CFAP52: variants seen among roughly 807,000 people sequenced by gnomAD.
CFAP52 encodes cilia and flagella associated protein 52, also known as cilia- and flagella-associated protein 52.
Under a neutral mutation model 70.5 loss-of-function variants are expected in CFAP52, and 57 were observed. The ratio of observed to expected loss-of-function variants is 0.81; its 90% CI spans 0.65 to 1.01. The LOEUF (loss-of-function observed/expected upper bound fraction) is 1.01, where lower values mean the gene tolerates loss of function less well. CFAP52 is among the 50% of genes least tolerant of loss of function. The pLI, the probability that CFAP52 is intolerant of heterozygous loss-of-function variation, is 0.00. For synonymous variants in CFAP52, 267 were observed against 292.5 expected (o/e 0.91, Z 0.89); for missense variants, 785 against 788.5 (o/e 1.00, Z 0.05).
At chr17:9,621,998 G>T (rs1910056833) in intron 8 of CFAP52, among the ~76,000 whole-genome samples, 1 of 151,756 alleles carries the variant, frequency 6.6e-6, no homozygotes, top group Non-Finnish European at 1.5e-5. Context: ...AAAACTTAGA[G>T]TATAATAAAA....
At chr17:9,616,596 CCTGT>C (rs1909937958) in intron 8 of CFAP52, among the ~76,000 whole-genome samples, 1 of 149,464 alleles carries the variant, frequency 6.7e-6, no homozygotes, top group Admixed American at 6.6e-5. Context: ...CTTACGTGTC[CCTGT>C]CTGACAGCTT....
intron 6 of CFAP52, among the ~76,000 whole-genome samples, chr17:9,605,465 A>G (rs116587543): frequency 0.016 from 2,384 of 152,174 alleles, 59 homozygotes; most frequent in African/African-American, 0.054. Context: ...TAATCCCAGC[A>G]CTTTGTGGGG....
chr17:9,602,936 A>G (rs1232008283), intron 6 of CFAP52, among the ~76,000 whole-genome samples: 1 of 152,198 alleles, frequency 6.6e-6, no homozygotes, highest in African/African-American at 2.4e-5. Context: ...GTGTGTTCAT[A>G]TAGGATAGGA....
At chr17:9,638,931 A>G (rs1002773894) in intron 12 of CFAP52, 6 of 544,330 alleles carry the variant, frequency 1.1e-5, no homozygotes, top group African/African-American at 1.9e-5. Context: ...TAGAGTAAGG[A>G]TTAAAGTCAT....
rs747062992 is a variant in CFAP52 at position 9,643,187 on chromosome 17, T to C, written c.1852T>C (p.Tyr618His). The change falls in exon 14 of 14, where the codon TAT (tyrosine) becomes CAT (histidine). Residue 618 changes from tyrosine to histidine, a missense_variant. Tyr to His is a moderately conservative substitution (Grantham distance 83, BLOSUM62 2). Coordinates refer to ENST00000352665, the MANE Select transcript of CFAP52 (RefSeq NM_145054.5). ...AGCCATTTTGCGATGGAAGTACCCA[T>C]ATACCTCCTGAAGCTGATGAGATGT... ...DGAILRWKYP[Y>H]TS The C allele has an allele frequency of 8.7e-6, 14 of 1,609,182 alleles. No homozygotes were observed. The South Asian group carries it at 1.0e-4, about 12-fold the overall frequency.
chr17:9,625,293 C>T (rs538134852), intron 8 of CFAP52, among the ~76,000 whole-genome samples: 15 of 152,232 alleles, frequency 9.9e-5, no homozygotes, highest in Non-Finnish European at 1.8e-4. Context: ...TTTAGCTACC[C>T]AGCAGAGACT....
Position 9,585,766 on chromosome 17 carries a change from C to T in CFAP52, c.71-7C>T, listed in dbSNP as rs74409753. ...GATTATTATTACTGTGAATCTCTCTCTTTTAGGACATGTGCCCACTGGTCT... is the reference window on the plus strand; with the variant it reads ...GATTATTATTACTGTGAATCTCTCTTTTTTAGGACATGTGCCCACTGGTCT... On this transcript the variant is annotated splice_region_variant and splice_polypyrimidine_tract_variant and intron_variant, in intron 1 of 13. Coordinates refer to ENST00000352665, the MANE Select transcript of CFAP52 (RefSeq NM_145054.5). 166 of 1,613,994 alleles carry T rather than the reference C, an allele frequency of 1.0e-4. 1 individual carries two copies. The East Asian group carries it at 3.6e-3, about 35-fold the overall frequency.
intron 6 of CFAP52, among the ~76,000 whole-genome samples, chr17:9,602,236 C>T (rs1316257852): frequency 1.3e-5 from 2 of 152,144 alleles, no homozygotes; most frequent in African/African-American, 4.8e-5. Context: ...ATTAACCCGT[C>T]GTCTACATTA....
intron 10 of CFAP52, 36 bp from the exon 11 acceptor site, chr17:9,635,369 A>T: frequency 6.2e-7 from 1 of 1,612,300 alleles, no homozygotes; most frequent in Non-Finnish European, 8.5e-7. Flanking sequence ...AGAAGTCCCA[A>T]GTGTGGATCA....
intron 6 of CFAP52, among the ~76,000 whole-genome samples, chr17:9,600,593 C>G (rs1355729061): frequency 6.6e-6 from 1 of 152,048 alleles, no homozygotes; most frequent in African/African-American, 2.4e-5. Flanking sequence ...GAGAAAGAGT[C>G]TCGCTCTGTC....
At chr17:9,592,255 G>C (rs1024179243) in intron 3 of CFAP52, among the ~76,000 whole-genome samples, 12 of 152,098 alleles carry the variant, frequency 7.9e-5, no homozygotes, top group African/African-American at 2.9e-4. Flanking sequence ...CTGAGGTCAG[G>C]AGTTCGAGAA....
chr17:9,599,385 A>AAAATATG (rs1405298769), intron 5 of CFAP52, among the ~76,000 whole-genome samples: 1 of 152,146 alleles, frequency 6.6e-6, no homozygotes, highest in East Asian at 1.9e-4. Context: ...TAAGCTTTGG[A>AAAATATG]AAATATGAGA....
intron 1 of CFAP52, among the ~76,000 whole-genome samples, chr17:9,585,238 G>A (rs1172750165): frequency 6.6e-6 from 1 of 152,134 alleles, no homozygotes; most frequent in Non-Finnish European, 1.5e-5. Context: ...CCTGAAATCA[G>A]AATCTGCATT....
intron 8 of CFAP52, among the ~76,000 whole-genome samples, chr17:9,614,844 C>T (rs879715955): frequency 2.0e-5 from 3 of 152,128 alleles, no homozygotes; most frequent in Non-Finnish European, 4.4e-5. Flanking sequence ...CCAAACTTCC[C>T]CTGGTGGCAA....
At chr17:9,625,020 T>G (rs1910183683) in intron 8 of CFAP52, among the ~76,000 whole-genome samples, 1 of 152,182 alleles carries the variant, frequency 6.6e-6, no homozygotes, top group Non-Finnish European at 1.5e-5. Context: ...CCAAATATTC[T>G]GTTAACCTCA....
intron 8 of CFAP52, among the ~76,000 whole-genome samples, chr17:9,623,273 T>C (rs1910115949): frequency 6.6e-6 from 1 of 152,204 alleles, no homozygotes; most frequent in Non-Finnish European, 1.5e-5. Flanking sequence ...TGCTTACTCT[T>C]AGCATGATAT....
At chr17:9,603,713 T>C (rs1203782900) in intron 6 of CFAP52, among the ~76,000 whole-genome samples, 1 of 152,230 alleles carries the variant, frequency 6.6e-6, no homozygotes, top group East Asian at 1.9e-4. Context: ...CTAATGTAGA[T>C]GACGGGTAAT....
At chr17:9,637,951 G>A (rs1910882856) in intron 11 of CFAP52, among the ~76,000 whole-genome samples, 1 of 152,138 alleles carries the variant, frequency 6.6e-6, no homozygotes, top group South Asian at 2.1e-4. Flanking sequence ...CCTCTTGGGG[G>A]CACCCTGGGC....
At position 9,615,819 on chromosome 17, in the gene CFAP52, T is replaced by TC. The variant is rs1555543417; in HGVS notation, c.1025+3343dup. ...TCTTTTTTTTTTTTTTTTTTTTTTT[T>TC]CCCAGAAACAGGGTCTCACTATGTT... On this transcript the variant is annotated intron_variant, in intron 8 of 13. Transcript: ENST00000352665. 9.2e-3 allele frequency among the ~76,000 whole-genome samples: 777 copies of TC among 84,350 alleles called. 94 individuals are homozygous for TC. Among genetic ancestry groups the TC allele is most frequent in the Middle Eastern group, 0.056 (6 of 108 alleles). The allele number at this position is 84,350 out of a possible 152,430, so 55.3% of individuals were successfully genotyped here.
Sources: allele counts gnomAD v4.1 joint callset (sites outside exome capture counted in the v4.1 genomes callset), GRCh38; gene constraint gnomAD v4.1.1; transcripts MANE v1.5; gene names NCBI Gene and HGNC (gene_info 2026-07-23, HGNC 2026-07-21).